MKI67: variants seen among roughly 807,000 people sequenced by gnomAD.
MKI67 encodes the protein marker of proliferation Ki-67.
A neutral mutation model predicts 233.5 loss-of-function variants in MKI67; 152 were observed. The observed-to-expected ratio is 0.65, with a 90% CI of 0.57 to 0.74. MKI67 has a LOEUF of 0.74. MKI67 is among the 30% of genes least tolerant of loss of function. The pLI is 0.00. For synonymous variants in MKI67, 1,465 were observed against 1,418.5 expected (o/e 1.03, Z -0.74); for missense variants, 3,940 against 3,885.2 (o/e 1.01, Z -0.37).
At position 128,113,529 on chromosome 10, in the gene MKI67, A is replaced by T. The variant is rs750326762; in HGVS notation, c.1554T>A (p.Asp518Glu). 3 of 1,614,112 alleles carry T rather than the reference A, an allele frequency of 1.9e-6. No individual in the cohort carries two copies. The highest frequency in any genetic ancestry group is 3.3e-5 in the Admixed American group (2 of 60,010). ...FGGHLRPELF[D>E]ENLPPNTPLK... is the part of the protein sequence containing the mutation. ...GAGGCGTATTAGGAGGCAAGTTTTC[A>T]TCAAATAGTTCAGGTCTTAGGTGCC... Residue 518 changes from aspartate to glutamate, a missense_variant, in exon 8 of 15, where the codon GAT (aspartate) becomes GAA (glutamate). Coordinates refer to ENST00000368654, the MANE Select transcript of MKI67 (RefSeq NM_002417.5).
chr10:128,115,471 G>A lies in MKI67; in HGVS notation c.937C>T (p.Leu313Phe). The A allele has an allele frequency of 6.2e-7, 1 of 1,613,918 alleles. No individual in the cohort carries two copies. Among genetic ancestry groups the A allele is most frequent in the Non-Finnish European group, 8.5e-7 (1 of 1,179,952 alleles). The change falls in exon 7 of 15, where the codon CTT becomes TTT. Residue 313 changes from leucine to phenylalanine, a missense_variant. Leu to Phe is a conservative substitution (Grantham distance 22). Coordinates refer to ENST00000368654, the MANE Select transcript of MKI67 (RefSeq NM_002417.5). Reference sequence around the variant, plus strand: ...CTTCCCTTCCCCTTGTTCTGGTCAAGCTCTTGTTCAGGTGAAGCAGGCTCT... The same window carrying A: ...CTTCCCTTCCCCTTGTTCTGGTCAAACTCTTGTTCAGGTGAAGCAGGCTCT... ...VAEPASPEQE[L>F]DQNKGKGRDV...
In MKI67 at chr10:128,125,642, G is replaced by A; in HGVS notation, c.26C>T (p.Thr9Ile). Residue 9 changes from threonine to isoleucine, a missense_variant, in exon 2 of 15, where the codon ACT becomes ATT. Thr to Ile is a moderately conservative substitution (Grantham distance 89). Transcript: ENST00000368654. The surrounding 1 kb of genome is among the most constrained non-coding windows in gnomAD (Gnocchi z 5.3). MWPTRRLV[T>I]IKRSGVDGPH... ...ACCGTCGACCCCGCTCCTTTTGATA[G>A]TAACCAGGCGTCTCGTGGGCCACAT... The A allele has an allele frequency of 6.2e-7, 1 of 1,613,834 alleles. No homozygotes were observed. Among genetic ancestry groups the A allele is most frequent in the Non-Finnish European group, 8.5e-7 (1 of 1,179,884 alleles).
rs776030925 is a variant in MKI67, at chr10:128,101,582, G to A, written c.9381C>T (p.Thr3127=). ...GATTCTGAATGTCCATCTCTGGGGA[G>A]GTCTTCATGGGCTTCTTTTCATTTC... ...INRNEKKPMK[T]SPEMDIQNPD... The change falls in exon 14 of 15, where the codon ACC becomes ACT. Residue 3127 remains threonine (T), a synonymous_variant. Coordinates refer to ENST00000368654, the MANE Select transcript of MKI67 (RefSeq NM_002417.5). 2 of 1,614,016 alleles carry A rather than the reference G, an allele frequency of 1.2e-6. No homozygotes were observed. The highest frequency in any genetic ancestry group is 1.3e-5 in the African/African-American group (1 of 74,898).
Position 128,098,062 on chromosome 10 carries a change from G to A in MKI67, c.*1128C>T, listed in dbSNP as rs985503082. ...CCTGGCAAGGTGGGTGAATGGGGAG[G>A]AATCCAGACAGGTGACCTGGGGGAT... is the stretch of plus-strand genomic sequence containing the variant. On this transcript the variant is annotated 3_prime_UTR_variant, in exon 15 of 15. Coordinates refer to ENST00000368654, the MANE Select transcript of MKI67 (RefSeq NM_002417.5). The A allele has an allele frequency of 1.3e-5, 2 of 152,230 alleles. No individual in the cohort carries two copies. The highest frequency in any genetic ancestry group is 4.8e-5 in the African/African-American group (2 of 41,464). 9.4% of individuals were successfully genotyped at this position (152,230 alleles called of 1,614,324 possible). A position where few individuals can be genotyped will look rare whatever the true frequency, so the allele number is the denominator to read the frequency against.
At chr10:128,113,697 A>G in intron 7 of MKI67, 95 bp from the exon 8 acceptor site, 4 of 1,139,746 alleles carry the variant, frequency 3.5e-6, no homozygotes, top group Non-Finnish European at 5.1e-6. Context: ...AACCAAGTGA[A>G]AAGTCATCGA....
rs1415424148 is a variant in MKI67, at chr10:128,108,592, G to T, written c.3248C>A (p.Thr1083Asn). The T allele has an allele frequency of 1.2e-6, 2 of 1,614,180 alleles. No homozygotes were observed. Among genetic ancestry groups the T allele is most frequent in the Admixed American group, 1.7e-5 (1 of 60,032 alleles). The change falls in exon 13 of 15, where the codon ACT (threonine) becomes AAT (asparagine). Residue 1083 changes from threonine (T) to asparagine (N), a missense_variant. Coordinates refer to ENST00000368654, the MANE Select transcript of MKI67 (RefSeq NM_002417.5). Reference protein sequence around the residue: ...KQILDPAARVTGMKKWPRTPK... With the variant: ...KQILDPAARVNGMKKWPRTPK... ...CGTTCTTGGCCACTTCTTCATTCCAGTTACACGGGCTGCTGGGTCCAGGAT... is the reference window on the plus strand; with the variant it reads ...CGTTCTTGGCCACTTCTTCATTCCATTTACACGGGCTGCTGGGTCCAGGAT...
rs1852588970 is a variant in MKI67 at position 128,108,668 on chromosome 10, G to A, written c.3172C>T (p.Pro1058Ser). ...SGETTHTHRE[P>S]AGDGKSIRTF... is the part of the protein sequence containing the mutation. ...CTGATGCTCTTGCCATCTCCTGCTG[G>A]CTCTCTGTGCGTGTGCGTGGTCTCC... The change falls in exon 13 of 15, where the codon CCA (proline) becomes TCA (serine). Residue 1058 changes from proline (P) to serine (S), a missense_variant. Physicochemically the swap from Pro to Ser is moderately conservative, Grantham distance 74. Transcript: ENST00000368654. The A allele has an allele frequency of 1.2e-6, 2 of 1,614,170 alleles. No homozygotes were observed. Among genetic ancestry groups the A allele is most frequent in the Non-Finnish European group, 8.5e-7 (1 of 1,180,036 alleles).
chr10:128,105,289 G>C lies in MKI67; in HGVS notation c.6551C>G (p.Pro2184Arg). ...TTCTAGGGGTTGGGCTTTTCCCTTA[G>C]GAGTTCTTGGCTGCCTCTTGCTACC... Reference protein sequence around the residue: ...VTGSKRQPRTPKGKAQPLEDL... With the variant: ...VTGSKRQPRTRKGKAQPLEDL... Residue 2184 changes from proline to arginine, a missense_variant, in exon 13 of 15, where the codon CCT becomes CGT. Pro to Arg is a moderately radical substitution (Grantham distance 103). Coordinates refer to ENST00000368654, the MANE Select transcript of MKI67 (RefSeq NM_002417.5). The C allele has an allele frequency of 2.5e-6, 4 of 1,614,128 alleles. No homozygotes were observed. In the East Asian group the frequency reaches 8.9e-5, roughly 36 times the overall value.
At position 128,125,380 on chromosome 10, in the gene MKI67, A is replaced by C. The variant is rs1853033197; in HGVS notation, c.92+196T>G. On this transcript the variant is annotated intron_variant, in intron 2 of 14. Transcript: ENST00000368654. This position sits in a 1 kb window ranked among gnomAD's most constrained non-coding sequence, Gnocchi z 5.3. ...TGGCTTGATTTTTAAAACCACTTAA[A>C]CATACAAACTAGCATCAAATTTATA... Among the ~76,000 whole-genome samples the C allele has an allele frequency of 6.6e-6, 1 of 152,198 alleles. No individual in the cohort carries two copies. The highest frequency in any genetic ancestry group is 2.4e-5 in the African/African-American group (1 of 41,456).
intron 9 of MKI67, 29 bp downstream of exon 9, chr10:128,112,104 T>G (rs1027322466): frequency 1.2e-6 from 2 of 1,610,204 alleles, no homozygotes; most frequent in Middle Eastern, 1.7e-4. Flanking sequence ...AAATTCACCT[T>G]AATATATGTA....
rs2782871 is a variant in MKI67, at chr10:128,106,975, G to A, written c.4865C>T (p.Pro1622Leu). The change falls in exon 13 of 15, where the codon CCA becomes CTA. Residue 1622 changes from proline (P) to leucine (L), a missense_variant. Transcript: ENST00000368654. Reference protein sequence around the residue: ...KVACKSSQPDPDKNPASSKRR... With the variant: ...KVACKSSQPDLDKNPASSKRR... Reference sequence around the variant, plus strand: ...CTTGGAGCTTGCTGGGTTTTTGTCTGGGTCTGGTTGTGAAGATTTGCAGGC... The same window carrying A: ...CTTGGAGCTTGCTGGGTTTTTGTCTAGGTCTGGTTGTGAAGATTTGCAGGC... 4.2e-3 allele frequency: 6,709 copies of A among 1,613,876 alleles called. 25 individuals carry two copies. Among genetic ancestry groups the A allele is most frequent in the Non-Finnish European group, 5.3e-3 (6,201 of 1,179,990 alleles).
rs1272629783 is a variant in MKI67, at chr10:128,105,384, A to G, written c.6456T>C (p.Asp2152=). Residue 2152 remains aspartate, a synonymous_variant, in exon 13 of 15, where the codon GAT becomes GAC. Transcript: ENST00000368654. ...QTTHTDKVPG[D]EDKGINVFRE... ...TGAACACGTTGATGCCTTTATCCTC[A>G]TCTCCTGGTACTTTGTCTGTGTGTG... 1 of 1,613,728 alleles carries G rather than the reference A, an allele frequency of 6.2e-7. No homozygotes were observed. The highest frequency in any genetic ancestry group is 2.2e-5 in the East Asian group (1 of 44,860).
At chr10:128,114,852 AAAG>A in intron 7 of MKI67, 73 bp downstream of exon 7, 1 of 1,366,328 alleles carries the variant, frequency 7.3e-7, no homozygotes, top group Non-Finnish European at 9.9e-7. Context: ...ATCACTACTG[AAAG>A]AATGAAGGTC....
At position 128,104,704 on chromosome 10, in the gene MKI67, C is replaced by T. The variant is rs150770106; in HGVS notation, c.7136G>A (p.Arg2379Gln). The change falls in exon 13 of 15, where the codon CGA (arginine) becomes CAA (glutamine). Residue 2379 changes from arginine (R) to glutamine (Q), a missense_variant. Physicochemically the swap from Arg to Gln is conservative, Grantham distance 43. Coordinates refer to ENST00000368654, the MANE Select transcript of MKI67 (RefSeq NM_002417.5). ...VEEEFLALRK[R>Q]TPSAGKAMDT... Reference sequence around the variant, plus strand: ...CATGGCTTTGCCTGCTGATGGTGTTCGTTTCCTGAGTGCTAAAAATTCTTC... The same window carrying T: ...CATGGCTTTGCCTGCTGATGGTGTTTGTTTCCTGAGTGCTAAAAATTCTTC... The T allele has an allele frequency of 8.7e-5, 141 of 1,613,944 alleles. No homozygotes were observed. The highest frequency in any genetic ancestry group is 7.6e-4 in the African/African-American group (57 of 74,934).
rs373937157 is a variant in MKI67 at position 128,106,072 on chromosome 10, G to A, written c.5768C>T (p.Thr1923Ile). 8.1e-6 allele frequency: 13 copies of A among 1,614,012 alleles called. No homozygotes were observed. The highest frequency in any genetic ancestry group is 1.1e-5 in the South Asian group (1 of 91,068). ...TAGCAGGTCCAGTTTCTCCACTGGA[G>A]TCCCCACAAATGTGTTGATGTCTTT... ...EEKDINTFVG[T>I]PVEKLDLLGN... The change falls in exon 13 of 15, where the codon ACT becomes ATT. Residue 1923 changes from threonine (T) to isoleucine (I), a missense_variant. Coordinates refer to ENST00000368654, the MANE Select transcript of MKI67 (RefSeq NM_002417.5).
intron 11 of MKI67, 182 bp downstream of exon 11, chr10:128,111,463 A>T (rs1435891568): frequency 1.8e-6 from 1 of 568,134 alleles, no homozygotes; most frequent in Non-Finnish European, 3.0e-6. Context: ...ATTAGCAGAG[A>T]CTTGTCTTTG....
At chr10:128,117,790 T>C (rs1852838823) in intron 5 of MKI67, among the ~76,000 whole-genome samples, 1 of 152,216 alleles carries the variant, frequency 6.6e-6, no homozygotes, top group Non-Finnish European at 1.5e-5. Flanking sequence ...AAGTATATAA[T>C]CTCACTTTTG....
In MKI67 at chr10:128,105,272, G is replaced by A; in HGVS notation, c.6568C>T (p.Pro2190Ser). 6.2e-7 allele frequency: 1 copy of A among 1,614,042 alleles called. No homozygotes were observed. The highest frequency in any genetic ancestry group is 8.5e-7 in the Non-Finnish European group (1 of 1,179,998). The change falls in exon 13 of 15, where the codon CCC (proline) becomes TCC (serine). Residue 2190 changes from proline (P) to serine (S), a missense_variant. Coordinates refer to ENST00000368654, the MANE Select transcript of MKI67 (RefSeq NM_002417.5). ...TTCAAGCCAGCCAAGTCTTCTAGGG[G>A]TTGGGCTTTTCCCTTAGGAGTTCTT... The part of the protein sequence containing the change: ...QPRTPKGKAQ[P>S]LEDLAGLKEL...
chr10:128,106,706 C>T lies in MKI67; in HGVS notation c.5134G>A (p.Gly1712Ser), dbSNP rs759364357. ...GKSEVPEDLA[G>S]FIELFQTPSH... ...GGTGTCTGGAAGAGCTCGATGAAGCCGGCCAGGTCTTCAGGGACTTCAGAC... is the reference window on the plus strand; with the variant it reads ...GGTGTCTGGAAGAGCTCGATGAAGCTGGCCAGGTCTTCAGGGACTTCAGAC... Residue 1712 changes from glycine to serine, a missense_variant, in exon 13 of 15, where the codon GGC (glycine) becomes AGC (serine). By Grantham distance (56) the Gly-to-Ser change is moderately conservative (BLOSUM62 0). Transcript: ENST00000368654. The T allele has an allele frequency of 2.2e-5, 36 of 1,613,912 alleles. No homozygotes were observed. Among genetic ancestry groups the T allele is most frequent in the African/African-American group, 8.0e-5 (6 of 74,864 alleles).
Sources: allele counts gnomAD v4.1 joint callset (sites outside exome capture counted in the v4.1 genomes callset), GRCh38; gene constraint gnomAD v4.1.1; non-coding constraint Gnocchi (gnomAD v3.1); transcripts MANE v1.5; gene names NCBI Gene and HGNC (gene_info 2026-07-23, HGNC 2026-07-21).